The following NRXN1 variants were observed in gnomAD, a reference collection of about 807,000 sequenced individuals.
The protein encoded by NRXN1 is neurexin 1, also known as neurexin-1.
Under a neutral mutation model 150.9 loss-of-function variants are expected in NRXN1, and 39 were observed. The ratio of observed to expected loss-of-function variants is 0.26; its 90% confidence interval spans 0.20 to 0.34. The LOEUF is 0.34. Among genes scored for constraint, NRXN1 ranks in the 10% least tolerant of loss-of-function variants. The pLI is 1.00. For synonymous variants in NRXN1, 924 were observed against 757.0 expected, an observed-to-expected ratio of 1.22 and a Z score of -3.62; for missense variants, 1,815 against 1,949.9, an observed-to-expected ratio of 0.93 and a Z score of 1.30.
At chr2:50,613,989 G>A (rs756265781) in intron 8 of NRXN1, among the ~76,000 whole-genome samples, 6 of 152,180 alleles carry the variant, frequency 3.9e-5, no homozygotes, top group Non-Finnish European at 7.3e-5. Context: ...GATATGGTAA[G>A]TAAAAATATG....
chr2:50,781,069 T>C (rs985885186), intron 5 of NRXN1, among the ~76,000 whole-genome samples: 3 of 152,194 alleles, frequency 2.0e-5, no homozygotes, highest in Non-Finnish European at 4.4e-5. Flanking sequence ...AGTTCATTAC[T>C]TGTAGCAAAA....
chr2:50,146,151 A>G (rs1707979262), intron 18 of NRXN1, among the ~76,000 whole-genome samples: 1 of 151,688 alleles, frequency 6.6e-6, no homozygotes, highest in Non-Finnish European at 1.5e-5. Context: ...AGTTATAATT[A>G]CCATGATTCA....
chr2:50,561,768 G>A (rs1000217420), intron 8 of NRXN1, among the ~76,000 whole-genome samples: 3 of 151,700 alleles, frequency 2.0e-5, no homozygotes, highest in Non-Finnish European at 4.4e-5. Context: ...TCCTGAGGGG[G>A]TAAAAATTGC....
At chr2:50,482,397 TACAA>T (rs1404868075) in intron 15 of NRXN1, among the ~76,000 whole-genome samples, 1 of 152,196 alleles carries the variant, frequency 6.6e-6, no homozygotes, top group African/African-American at 2.4e-5. Flanking sequence ...AAAAATTGGG[TACAA>T]ACAGTTTCAG....
intron 19 of NRXN1, among the ~76,000 whole-genome samples, chr2:50,086,845 AGAGAGC>A (rs1331148131): frequency 5.4e-4 from 81 of 150,914 alleles, no homozygotes; most frequent in African/African-American, 1.4e-3. Context: ...AGAGAGAGAG[AGAGAGC>A]GAGCCGAAAA....
intron 17 of NRXN1, among the ~76,000 whole-genome samples, chr2:50,301,949 T>G (rs1459373987): frequency 6.6e-6 from 1 of 152,174 alleles, no homozygotes; most frequent in East Asian, 1.9e-4. Flanking sequence ...ATCTCTTTTG[T>G]GTTCTTCCCT....
At chr2:49,959,004 A>G (rs945870882) in intron 21 of NRXN1, among the ~76,000 whole-genome samples, 7 of 152,212 alleles carry the variant, frequency 4.6e-5, no homozygotes, top group African/African-American at 1.7e-4. Context: ...CTCATGGCTT[A>G]AAATACACAA....
intron 15 of NRXN1, among the ~76,000 whole-genome samples, chr2:50,481,760 CTTTT>C (rs758265489): frequency 2.4e-5 from 2 of 82,958 alleles, no homozygotes; most frequent in Non-Finnish European, 4.0e-5. Context: ...ACTTTTGTTT[CTTTT>C]TTTTTTTTTT....
At chr2:50,079,464 C>T (rs1697603498) in intron 19 of NRXN1, among the ~76,000 whole-genome samples, 1 of 151,854 alleles carries the variant, frequency 6.6e-6, no homozygotes, top group Admixed American at 6.6e-5. Flanking sequence ...AATATTTGGC[C>T]TTCTATGATG....
At chr2:50,687,040 G>A (rs550089223) in intron 5 of NRXN1, among the ~76,000 whole-genome samples, 9 of 152,120 alleles carry the variant, frequency 5.9e-5, no homozygotes, top group African/African-American at 1.2e-4. Context: ...AGTGCTTAGC[G>A]TCAAATTGAA....
intron 5 of NRXN1, among the ~76,000 whole-genome samples, chr2:50,674,097 TA>T (rs889063510): frequency 3.1e-4 from 47 of 150,936 alleles, no homozygotes; most frequent in African/African-American, 7.3e-4. Flanking sequence ...TAAAGTATAA[TA>T]AAAAAAAGGA....
At chr2:50,379,540 G>T (rs2080796532) in intron 17 of NRXN1, among the ~76,000 whole-genome samples, 1 of 152,116 alleles carries the variant, frequency 6.6e-6, no homozygotes, top group African/African-American at 2.4e-5. Context: ...GGCAATAAAA[G>T]AGAGAGAGGG....
chr2:50,766,491 G>A (rs1037782370), intron 5 of NRXN1, among the ~76,000 whole-genome samples: 1 of 152,018 alleles, frequency 6.6e-6, no homozygotes, highest in Non-Finnish European at 1.5e-5. Context: ...AGGTGGGGAG[G>A]TTTGAGGCTG....
chr2:50,556,039 G>C (rs923342152), intron 8 of NRXN1, among the ~76,000 whole-genome samples: 12 of 152,164 alleles, frequency 7.9e-5, no homozygotes, highest in Non-Finnish European at 8.8e-5. Context: ...ACTATCTTGA[G>C]AAGAAGCACA....
intron 12 of NRXN1, among the ~76,000 whole-genome samples, chr2:50,513,893 T>G (rs1416215243): frequency 6.6e-6 from 1 of 152,050 alleles, no homozygotes; most frequent in Non-Finnish European, 1.5e-5. Flanking sequence ...GTAAACTCAT[T>G]GCATCTCTAC....
In NRXN1 at chr2:50,467,127, T is replaced by C. The variant is rs1237417947; in HGVS notation, c.3245-1566A>G. Reference sequence around the variant, plus strand: ...AGGAATTTTCTGAATAAAATTTCCATGTGCAGCGTTTATCCTTGAACTTAC... The same window carrying C: ...AGGAATTTTCTGAATAAAATTTCCACGTGCAGCGTTTATCCTTGAACTTAC... On this transcript the variant is annotated intron_variant, in intron 16 of 22. Transcript: ENST00000401669. 3.3e-5 allele frequency among the ~76,000 whole-genome samples: 5 copies of C among 151,894 alleles called. No homozygotes were observed. In the East Asian group the frequency reaches 7.8e-4, roughly 24 times the overall value.
At chr2:50,620,791 C>G (rs963095647) in intron 7 of NRXN1, among the ~76,000 whole-genome samples, 1 of 151,970 alleles carries the variant, frequency 6.6e-6, no homozygotes, top group Non-Finnish European at 1.5e-5. Context: ...CAGGGAGAAC[C>G]AAAGGAAAAA....
chr2:51,000,113 T>C (rs1463557652), intron 2 of NRXN1, among the ~76,000 whole-genome samples: 1 of 151,964 alleles, frequency 6.6e-6, no homozygotes, highest in Admixed American at 6.6e-5. Context: ...AGGCTCCCAC[T>C]GGGGTTTTCA....
At position 50,533,793 on chromosome 2, in the gene NRXN1, T is replaced by C. The variant is rs549023725; in HGVS notation, c.2144-2363A>G. Among the ~76,000 whole-genome samples, 4 of 152,290 alleles carry C rather than the reference T, an allele frequency of 2.6e-5. No individual in the cohort carries two copies. In the East Asian group the frequency reaches 7.7e-4, roughly 29 times the overall value. On this transcript the variant is annotated intron_variant, in intron 10 of 22. Transcript: ENST00000401669. ...TGAAGTGTTTGCACTTTTAGATCCC[T>C]CTGTTTAAAAATGTTTCACCCCAGA... is the stretch of plus-strand genomic sequence containing the variant.
Sources: gnomAD v4.1 joint callset for allele counts (sites outside exome capture counted in the v4.1 genomes callset) on GRCh38, gnomAD v4.1.1 for gene constraint, MANE v1.5 for transcripts, NCBI Gene and HGNC (gene_info 2026-07-23, HGNC 2026-07-21) for gene names.